Variants in RBBP8NL observed in about 807,000 individuals in gnomAD.
RBBP8NL encodes RBBP8 N-terminal like.
RBBP8NL carries 59 observed loss-of-function variants against 62.2 expected under a neutral mutation model. That is an observed-to-expected ratio of 0.95 (90% confidence interval 0.77 to 1.18). The LOEUF (loss-of-function observed/expected upper bound fraction) is 1.18, where lower values mean the gene tolerates loss of function less well. Among genes scored for constraint, RBBP8NL ranks in the 50% most tolerant of loss-of-function variants. The probability of loss-of-function intolerance (pLI) is 0.00; values close to 1 mark genes in which losing one functional copy is unlikely to be tolerated. For missense variants in RBBP8NL, 896 were observed against 899.5 expected (o/e 1.00, Z 0.05); for synonymous variants, 412 against 394.1 (o/e 1.05, Z -0.54).
In RBBP8NL at chr20:62,426,972, C is replaced by T. The variant is rs569368752; in HGVS notation, c.-84+488G>A. ...CCGTGGGGGAGGGGGTTGAGCAAGG[C>T]CCGCCTTTGTGGCTGCTTCCCCACA... On this transcript the variant is annotated intron_variant, in intron 1 of 13. Transcript: ENST00000252998. Among the ~76,000 whole-genome samples the T allele has an allele frequency of 1.5e-3, 229 of 152,336 alleles. 1 individual carries two copies. Among genetic ancestry groups the T allele is most frequent in the African/African-American group, 5.1e-3 (214 of 41,572 alleles).
chr20:62,415,323 T>C lies in RBBP8NL; in HGVS notation c.628-36A>G, dbSNP rs117333532. On this transcript the variant is annotated intron_variant, in intron 8 of 13. Coordinates refer to ENST00000252998, the MANE Select transcript of RBBP8NL (RefSeq NM_080833.3). Reference sequence around the variant, plus strand: ...GGGTGGGTCAGCCTGGGCGGGGGCATGCGTGGCCTCTGCTGTGGCCTCTGC... The same window carrying C: ...GGGTGGGTCAGCCTGGGCGGGGGCACGCGTGGCCTCTGCTGTGGCCTCTGC... 9.1e-6 allele frequency: 14 copies of C among 1,542,964 alleles called. No homozygotes were observed. In the East Asian group the frequency reaches 3.1e-4, roughly 34 times the overall value.
chr20:62,420,610 G>A (rs139999971), intron 1 of RBBP8NL, among the ~76,000 whole-genome samples: 9 of 152,262 alleles, frequency 5.9e-5, no homozygotes, highest in Admixed American at 2.0e-4. Context: ...ATGGGTATAC[G>A]CAGACACATG....
rs1290911156 is a variant in RBBP8NL, at chr20:62,412,622, A to G, written c.1876+2T>C. On this transcript the variant is annotated splice_donor_variant, in intron 13 of 13. Coordinates refer to ENST00000252998, the MANE Select transcript of RBBP8NL (RefSeq NM_080833.3). LOFTEE classifies it high-confidence loss of function. ...CCTGCACCTGCCCCATGCCAGCTGT[A>G]CCTTTGTCCCCAGGCTCCGAGGCCC... The G allele has an allele frequency of 1.2e-6, 2 of 1,603,046 alleles. No individual in the cohort carries two copies. The highest frequency in any genetic ancestry group is 1.3e-5 in the African/African-American group (1 of 74,792).
Position 62,416,947 on chromosome 20 carries a change from A to G in RBBP8NL, c.201-75T>C. 3 of 1,175,452 alleles carry G rather than the reference A, an allele frequency of 2.6e-6. No individual in the cohort carries two copies. In the South Asian group the frequency reaches 4.1e-5, roughly 16 times the overall value. The allele number at this position is 1,175,452 out of a possible 1,614,324, so 72.8% of individuals were successfully genotyped here. On this transcript the variant is annotated intron_variant, in intron 4 of 13. Coordinates refer to ENST00000252998, the MANE Select transcript of RBBP8NL (RefSeq NM_080833.3). ...GAGGGCCTGGGACACTCACTGCCCCACTGCTGGGAAGTGCCCCTGCCCTTT... is the reference window on the plus strand; with the variant it reads ...GAGGGCCTGGGACACTCACTGCCCCGCTGCTGGGAAGTGCCCCTGCCCTTT...
rs6061520 is a variant in RBBP8NL at position 62,413,958 on chromosome 20, G to A, written c.1393C>T (p.Leu465Phe). 342 of 1,581,386 alleles carry A rather than the reference G, an allele frequency of 2.2e-4. No individual in the cohort carries two copies. Among genetic ancestry groups the A allele is most frequent in the Non-Finnish European group, 2.9e-4 (336 of 1,165,016 alleles). ...TPKPAGQHGS[L>F]SPAAAHTASP... is the part of the protein sequence containing the mutation. ...GCAGTGTGGGCAGCGGCAGGGCTGA[G>A]TGACCCATGCTGGCCGGCCGGCTTG... Residue 465 changes from leucine (L) to phenylalanine (F), a missense_variant, in exon 10 of 14, where the codon CTC (leucine) becomes TTC (phenylalanine). Transcript: ENST00000252998.
In RBBP8NL at chr20:62,416,854, G is replaced by C. The variant is rs763051730; in HGVS notation, c.219C>G (p.Cys73Trp). ...GCTCCTGGGTGACCATGCAGCGGTC[G>C]CACAGGCCGGCCCGCAGCCTGCAGG... ...VLENRLRAGLCDRCMVTQELA... is the reference protein window; with the variant it reads ...VLENRLRAGLWDRCMVTQELA... Residue 73 changes from cysteine to tryptophan, a missense_variant, in exon 5 of 14, where the codon TGC becomes TGG. Transcript: ENST00000252998. The C allele has an allele frequency of 1.9e-6, 3 of 1,567,106 alleles. No homozygotes were observed. Among genetic ancestry groups the C allele is most frequent in the South Asian group, 1.2e-5 (1 of 85,784 alleles).
Position 62,410,548 on chromosome 20 carries a change from C to T in RBBP8NL, c.*330G>A. ...AGCAGGTGCTGGGCTGTGGGAGGGG[C>T]CGCAGAGCATTTCCCAGGTGGGTGG... On this transcript the variant is annotated 3_prime_UTR_variant, in exon 14 of 14. Coordinates refer to ENST00000252998, the MANE Select transcript of RBBP8NL (RefSeq NM_080833.3). 5.7e-6 allele frequency: 2 copies of T among 350,560 alleles called. No homozygotes were observed. Among genetic ancestry groups the T allele is most frequent in the South Asian group, 4.5e-5 (1 of 22,330 alleles). 21.7% of individuals were successfully genotyped at this position (350,560 alleles called of 1,614,324 possible).
intron 1 of RBBP8NL, among the ~76,000 whole-genome samples, chr20:62,420,768 C>T (rs887369426): frequency 2.0e-5 from 3 of 152,264 alleles, no homozygotes; most frequent in East Asian, 1.9e-4. Flanking sequence ...GTAGGAGCCA[C>T]TCTGAAGAGG....
At chr20:62,411,375 T>A (rs757163382) in intron 13 of RBBP8NL, among the ~76,000 whole-genome samples, 12 of 152,204 alleles carry the variant, frequency 7.9e-5, no homozygotes, top group Non-Finnish European at 1.8e-4. Flanking sequence ...CCTGCGATGG[T>A]CCGGGGACGG....
Position 62,415,134 on chromosome 20 carries a change from G to C in RBBP8NL, c.781C>G (p.Leu261Val). Reference sequence around the variant, plus strand: ...GCAGGCGGGCACCTGTCCAGGGAGAGGCCACGCTCATACGCTGGGCTGGGT... The same window carrying C: ...GCAGGCGGGCACCTGTCCAGGGAGACGCCACGCTCATACGCTGGGCTGGGT... ...SPPSPAYERG[L>V]SLDSFLRASR... Residue 261 changes from leucine to valine, a missense_variant, in exon 9 of 14, where the codon CTC (leucine) becomes GTC (valine). Leu to Val is a conservative substitution (Grantham distance 32). Coordinates refer to ENST00000252998, the MANE Select transcript of RBBP8NL (RefSeq NM_080833.3). 2.0e-6 allele frequency: 3 copies of C among 1,489,030 alleles called. No individual in the cohort carries two copies. The highest frequency in any genetic ancestry group is 2.7e-6 in the Non-Finnish European group (3 of 1,116,034). 92.2% of individuals were successfully genotyped at this position (1,489,030 alleles called of 1,614,324 possible). A position where few individuals can be genotyped will look rare whatever the true frequency, so the allele number is the denominator to read the frequency against.
In RBBP8NL at chr20:62,413,987, G is replaced by A; in HGVS notation, c.1364C>T (p.Thr455Ile). Reference protein sequence around the residue: ...SEWGRARGQDTPKPAGQHGSL... With the variant: ...SEWGRARGQDIPKPAGQHGSL... Reference sequence around the variant, plus strand: ...CCCATGCTGGCCGGCCGGCTTGGGAGTGTCCTGGCCCCGGGCCCGGCCCCA... The same window carrying A: ...CCCATGCTGGCCGGCCGGCTTGGGAATGTCCTGGCCCCGGGCCCGGCCCCA... The change falls in exon 10 of 14, where the codon ACT becomes ATT. Residue 455 changes from threonine (T) to isoleucine (I), a missense_variant. Thr to Ile is a moderately conservative substitution (Grantham distance 89). Coordinates refer to ENST00000252998, the MANE Select transcript of RBBP8NL (RefSeq NM_080833.3). 1 of 1,572,248 alleles carries A rather than the reference G, an allele frequency of 6.4e-7. No individual in the cohort carries two copies. The highest frequency in any genetic ancestry group is 1.7e-4 in the Middle Eastern group (1 of 5,932).
At chr20:62,418,642 G>A (rs1252611020) in intron 2 of RBBP8NL, among the ~76,000 whole-genome samples, 177 bp from the exon 3 acceptor site, 1 of 152,330 alleles carries the variant, frequency 6.6e-6, no homozygotes, top group East Asian at 1.9e-4. Context: ...CCTGAGGCTC[G>A]GTGGTCTCGG....
chr20:62,410,730 C>A lies in RBBP8NL; in HGVS notation c.*148G>T. 1 of 669,560 alleles carries A rather than the reference C, an allele frequency of 1.5e-6. No individual in the cohort carries two copies. The highest frequency in any genetic ancestry group is 2.6e-6 in the Non-Finnish European group (1 of 378,352). The allele number at this position is 669,560 out of a possible 1,614,324, so 41.5% of individuals were successfully genotyped here. On this transcript the variant is annotated 3_prime_UTR_variant, in exon 14 of 14. Coordinates refer to ENST00000252998, the MANE Select transcript of RBBP8NL (RefSeq NM_080833.3). ...TGAGCAGGCAGAGAGCTGCCCTGGGCTCACTGTGGGTTCAGCTGAGGCTGG... is the reference window on the plus strand; with the variant it reads ...TGAGCAGGCAGAGAGCTGCCCTGGGATCACTGTGGGTTCAGCTGAGGCTGG...
intron 5 of RBBP8NL, 58 bp from the exon 6 acceptor site, chr20:62,416,294 T>TGGGGTGGGGGGGGGGG: frequency 3.9e-6 from 2 of 515,306 alleles, no homozygotes; most frequent in Non-Finnish European, 7.6e-6. Flanking sequence ...GGGGCAGGGG[T>TGGGGTGGGGGGGGGGG]GGGGTCGTCA....
chr20:62,426,080 C>CAGAGGA (rs1988800618), intron 1 of RBBP8NL, among the ~76,000 whole-genome samples: 1 of 151,126 alleles, frequency 6.6e-6, no homozygotes, highest in Non-Finnish European at 1.5e-5. Flanking sequence ...GTGACAGTGG[C>CAGAGGA]AGTGGAAGTA....
intron 11 of RBBP8NL, among the ~76,000 whole-genome samples, 166 bp from the exon 12 acceptor site, chr20:62,413,066 T>C (rs1988472001): frequency 6.6e-6 from 1 of 152,262 alleles, no homozygotes. Context: ...CGACTGGGGT[T>C]TGGGCCCAGG....
In RBBP8NL at chr20:62,412,868, A is replaced by G. The variant is rs1988467203; in HGVS notation, c.1708T>C (p.Ser570Pro). Reference protein sequence around the residue: ...PSKAEVLRPESDELDETDTPG... With the variant: ...PSKAEVLRPEPDELDETDTPG... ...GTGTCTGTCTCATCCAGTTCGTCGG[A>G]CTCTGGTCTCAGCACTTCAGCCTTG... is the stretch of plus-strand genomic sequence containing the variant. The change falls in exon 12 of 14, where the codon TCC becomes CCC. Residue 570 changes from serine to proline, a missense_variant. Coordinates refer to ENST00000252998, the MANE Select transcript of RBBP8NL (RefSeq NM_080833.3). 1.2e-6 allele frequency: 2 copies of G among 1,613,322 alleles called. No individual in the cohort carries two copies. The highest frequency in any genetic ancestry group is 2.2e-5 in the South Asian group (2 of 91,080).
At chr20:62,416,682 C>T (rs1192357343) in intron 5 of RBBP8NL, 78 bp downstream of exon 5, 18 of 961,618 alleles carry the variant, frequency 1.9e-5, no homozygotes, top group Middle Eastern at 2.1e-4. Flanking sequence ...TTCCCCATGC[C>T]CCTACATGGG....
chr20:62,415,313 G>A (rs1474019145), intron 8 of RBBP8NL, 26 bp from the exon 9 acceptor site: 4 of 1,555,596 alleles, frequency 2.6e-6, no homozygotes, highest in East Asian at 4.7e-5. Flanking sequence ...GGTCAGCCTG[G>A]GCGGGGGCAT....
Sources: gnomAD v4.1 joint callset for allele counts (sites outside exome capture counted in the v4.1 genomes callset) on GRCh38, gnomAD v4.1.1 for gene constraint, MANE v1.5 for transcripts, NCBI Gene and HGNC (gene_info 2026-07-23, HGNC 2026-07-21) for gene names.